Variants in ABCC4 observed in about 807,000 individuals in gnomAD.
The protein encoded by ABCC4 is ATP-binding cassette sub-family C member 4.
ABCC4 carries 102 observed loss-of-function variants against 168.5 expected under a neutral mutation model. The ratio of observed to expected loss-of-function variants is 0.61; its 90% CI spans 0.52 to 0.71. The LOEUF (loss-of-function observed/expected upper bound fraction) is 0.71. Among genes scored for constraint, ABCC4 ranks in the 30% least tolerant of loss-of-function variants. The probability of loss-of-function intolerance (pLI) is 0.00; values close to 1 mark genes in which losing one functional copy is unlikely to be tolerated. For synonymous variants in ABCC4, 617 were observed against 590.7 expected (o/e 1.04, Z -0.65); for missense variants, 1,402 against 1,605.8 (o/e 0.87, Z 2.17).
intron 30 of ABCC4, among the ~76,000 whole-genome samples, chr13:95,029,167 C>CATATATCTATATAT (rs1282151387): frequency 1.2e-5 from 1 of 82,932 alleles, no homozygotes; most frequent in African/African-American, 5.7e-5. Context: ...AAAAAAAATA[C>CATATATCTATATAT]ATATATATAT....
chr13:95,242,401 T>C (rs911623216), intron 3 of ABCC4, among the ~76,000 whole-genome samples: 9 of 152,258 alleles, frequency 5.9e-5, no homozygotes, highest in African/African-American at 1.7e-4. Flanking sequence ...CTAATTTTTA[T>C]ATTTTTAATA....
rs150571031 is a variant in ABCC4, at chr13:95,034,789, CAT to C, written c.3736-52_3736-51del. The C allele has an allele frequency of 2.8e-3, 4,472 of 1,611,568 alleles. 79 individuals are homozygous for C. In the African/African-American group the frequency reaches 0.049, roughly 18 times the overall value. ...ATTGAAACACAATGTTTTGCAGTAA[CAT>C]ATTATAACAGAGACAATATTTCGGA... On this transcript the variant is annotated intron_variant, in intron 29 of 30. Transcript: ENST00000645237.
chr13:95,073,690 G>A (rs980426189), intron 23 of ABCC4, among the ~76,000 whole-genome samples: 34 of 152,148 alleles, frequency 2.2e-4, no homozygotes, highest in African/African-American at 8.2e-4. Context: ...GGTTGTAAGT[G>A]CCAATGCTTT....
At chr13:95,125,995 G>C (rs74999380) in intron 19 of ABCC4, among the ~76,000 whole-genome samples, 2 of 152,316 alleles carry the variant, frequency 1.3e-5, no homozygotes, top group Non-Finnish European at 2.9e-5. Flanking sequence ...ATGCCACAGA[G>C]TGTTTTCGCT....
At chr13:95,061,475 T>C (rs1412148035) in intron 26 of ABCC4, among the ~76,000 whole-genome samples, 1 of 152,152 alleles carries the variant, frequency 6.6e-6, no homozygotes, top group East Asian at 1.9e-4. Flanking sequence ...GCACGTTCTC[T>C]ATGCTTCCTA....
chr13:95,254,198 T>A (rs1343286203), intron 1 of ABCC4, among the ~76,000 whole-genome samples: 1 of 152,198 alleles, frequency 6.6e-6, no homozygotes, highest in African/African-American at 2.4e-5. Context: ...GCGCCTGGCC[T>A]AAAGGGGGTT....
intron 4 of ABCC4, among the ~76,000 whole-genome samples, chr13:95,234,298 T>A (rs2039701827): frequency 6.6e-6 from 1 of 152,244 alleles, no homozygotes; most frequent in Non-Finnish European, 1.5e-5. Flanking sequence ...AAATTTAGTA[T>A]TCTGCAACAG....
intron 30 of ABCC4, among the ~76,000 whole-genome samples, chr13:95,029,988 T>TATCTATCC (rs1555302414): frequency 0.069 from 10,148 of 146,342 alleles, 444 homozygotes; most frequent in Middle Eastern, 0.11. Context: ...CTTGTCTATC[T>TATCTATCC]ATCCATCCAT....
chr13:95,273,312 C>A (rs565907515), intron 1 of ABCC4, among the ~76,000 whole-genome samples: 1 of 152,104 alleles, frequency 6.6e-6, no homozygotes, highest in Admixed American at 6.6e-5. Context: ...GGTTCAGGTG[C>A]GAGTGTGTTT....
intron 20 of ABCC4, among the ~76,000 whole-genome samples, chr13:95,108,018 A>G (rs756749837): frequency 6.6e-6 from 1 of 152,126 alleles, no homozygotes; most frequent in East Asian, 1.9e-4. Flanking sequence ...AAAAACAGTC[A>G]CAGTTTCTCT....
chr13:95,076,067 C>T (rs576549123), intron 21 of ABCC4, among the ~76,000 whole-genome samples: 66 of 152,286 alleles, frequency 4.3e-4, no homozygotes, highest in Admixed American at 1.0e-3. Flanking sequence ...TGGCACAGGA[C>T]ATGTACTCAG....
At chr13:95,141,809 C>T (rs1389729964) in intron 19 of ABCC4, among the ~76,000 whole-genome samples, 1 of 152,182 alleles carries the variant, frequency 6.6e-6, no homozygotes, top group Non-Finnish European at 1.5e-5. Flanking sequence ...CGATGCTGAC[C>T]AGGCTGGCCT....
At chr13:95,240,225 A>T (rs2138779224) in intron 3 of ABCC4, among the ~76,000 whole-genome samples, 1 of 152,338 alleles carries the variant, frequency 6.6e-6, no homozygotes, top group East Asian at 1.9e-4. Context: ...GTGCAGGGCA[A>T]ACAACACGGT....
At chr13:95,250,757 C>CTTT (rs66485168) in intron 1 of ABCC4, among the ~76,000 whole-genome samples, 19 of 78,872 alleles carry the variant, frequency 2.4e-4, no homozygotes, top group African/African-American at 5.9e-4. Context: ...ATACTGGTTT[C>CTTT]TTTTTTTTTT....
intron 3 of ABCC4, among the ~76,000 whole-genome samples, chr13:95,244,665 G>T (rs200083082): frequency 0.16 from 13,243 of 82,448 alleles, 3,738 homozygotes; most frequent in Non-Finnish European, 0.26. Context: ...AAGAAAGAAA[G>T]AAAGAAATCA....
Position 95,091,040 on chromosome 13 carries a change from T to C in ABCC4, c.2536-7750A>G, listed in dbSNP as rs115631400. On this transcript the variant is annotated intron_variant, in intron 20 of 30. Transcript: ENST00000645237. ...AGAAGAAAGAAGAAGAAACAAGTAG[T>C]AGAAGAAAGAACTCAAAGACAAGGT... Among the ~76,000 whole-genome samples the C allele has an allele frequency of 6.3e-3, 963 of 152,140 alleles. 9 individuals carry two copies. Among genetic ancestry groups the C allele is most frequent in the African/African-American group, 0.02 (850 of 41,506 alleles).
chr13:95,023,135 T>C (rs960325442), intron 30 of ABCC4, among the ~76,000 whole-genome samples: 2 of 152,114 alleles, frequency 1.3e-5, no homozygotes, highest in Admixed American at 6.5e-5. Context: ...AAAGAACAAA[T>C]AGACATTCAC....
intron 30 of ABCC4, among the ~76,000 whole-genome samples, chr13:95,032,965 CTTTTTT>C (rs74329595): frequency 7.0e-5 from 6 of 86,238 alleles, no homozygotes; most frequent in African/African-American, 2.6e-4. Flanking sequence ...CACGCCTGGT[CTTTTTT>C]TTTTTTTTTT....
chr13:95,152,611 T>C (rs923522994), intron 19 of ABCC4, among the ~76,000 whole-genome samples: 1 of 152,148 alleles, frequency 6.6e-6, no homozygotes, highest in African/African-American at 2.4e-5. Flanking sequence ...ATCAAAAACT[T>C]GATAAAAGCA....
Sources: allele counts gnomAD v4.1 joint callset (sites outside exome capture counted in the v4.1 genomes callset), GRCh38; gene constraint gnomAD v4.1.1; transcripts MANE v1.5; gene names NCBI Gene and HGNC (gene_info 2026-07-23, HGNC 2026-07-21).